PCDHGA4: variants seen among roughly 807,000 people sequenced by gnomAD.
PCDHGA4 encodes protocadherin gamma-A4.
Under a neutral mutation model 54.6 loss-of-function variants are expected in PCDHGA4, and 38 were observed. The observed-to-expected ratio is 0.70, with a 90% confidence interval of 0.54 to 0.91. PCDHGA4 has a LOEUF of 0.91. Ranked by LOEUF, PCDHGA4 falls within the 40% of genes least tolerant of loss-of-function variation. PCDHGA4 has a pLI of 0.00. For synonymous variants in PCDHGA4, 511 were observed against 512.9 expected, an observed-to-expected ratio of 1.00 and a Z score of 0.05; for missense variants, 1,298 against 1,220.9, an observed-to-expected ratio of 1.06 and a Z score of -0.94.
chr5:141,479,631 A>G (rs191955216), intron 1 of PCDHGA4: 1 of 152,282 alleles, frequency 6.6e-6, no homozygotes, highest in Non-Finnish European at 1.5e-5. Context: ...TCTCTTTAAC[A>G]ATAACAACAA....
chr5:141,394,859 C>A, intron 1 of PCDHGA4: 1 of 1,613,758 alleles, frequency 6.2e-7, no homozygotes. Context: ...AGCCTTCGGT[C>A]GACCCGAACG....
In PCDHGA4 at chr5:141,356,909, A is replaced by G. The variant is rs748015805; in HGVS notation, c.1802A>G (p.Asp601Gly). The change falls in exon 1 of 4, where the codon GAT becomes GGT. Residue 601 changes from aspartate (D) to glycine (G), a missense_variant. By Grantham distance (94) the Asp-to-Gly change is moderately conservative. Transcript: ENST00000571252. ...ATCCTGTACCCCACCTTCCCTACTG[A>G]TGGCTCCACTGGTGTGGAGCTGGCA... ...PEILYPTFPT[D>G]GSTGVELAPR... The G allele has an allele frequency of 1.4e-5, 23 of 1,613,988 alleles. No homozygotes were observed. Among genetic ancestry groups the G allele is most frequent in the Non-Finnish European group, 1.8e-5 (21 of 1,180,002 alleles).
chr5:141,387,473 G>T (rs1032850562), intron 1 of PCDHGA4, among the ~76,000 whole-genome samples: 4 of 152,190 alleles, frequency 2.6e-5, no homozygotes, highest in Non-Finnish European at 4.4e-5. Context: ...CCTCAAAGTT[G>T]GGATGAAGGC....
Position 141,489,880 on chromosome 5 carries a change from G to A in PCDHGA4, c.2515-4927G>A. On this transcript the variant is annotated intron_variant, in intron 1 of 3. Transcript: ENST00000571252. The surrounding 1 kb of genome is among the most constrained non-coding windows in gnomAD (Gnocchi z 4.5). Reference sequence around the variant, plus strand: ...GGCAAGACATCAGCTGGTGCTTACTGCTGTGGATGGGGGGACCCCAGCCCG... The same window carrying A: ...GGCAAGACATCAGCTGGTGCTTACTACTGTGGATGGGGGGACCCCAGCCCG... 2 of 1,614,230 alleles carry A rather than the reference G, an allele frequency of 1.2e-6. No individual in the cohort carries two copies. The highest frequency in any genetic ancestry group is 1.7e-6 in the Non-Finnish European group (2 of 1,180,026).
At chr5:141,484,899 T>G (rs1296997337) in intron 1 of PCDHGA4, 9 of 398,498 alleles carry the variant, frequency 2.3e-5, no homozygotes, top group Non-Finnish European at 3.1e-5. Flanking sequence ...TCCCCTCCAA[T>G]GCTGCGACGC....
chr5:141,502,246 T>A (rs1449536622), intron 2 of PCDHGA4, among the ~76,000 whole-genome samples: 1 of 152,206 alleles, frequency 6.6e-6, no homozygotes, highest in African/African-American at 2.4e-5. Flanking sequence ...TTTATCCTTT[T>A]TTTTAATCCA....
chr5:141,467,952 C>A (rs1341210155), intron 1 of PCDHGA4, among the ~76,000 whole-genome samples: 1 of 152,186 alleles, frequency 6.6e-6, no homozygotes, highest in Non-Finnish European at 1.5e-5. Flanking sequence ...AGCCACCACA[C>A]CCGGCTGCCA....
chr5:141,365,193 T>A, intron 1 of PCDHGA4: 2 of 1,613,762 alleles, frequency 1.2e-6, no homozygotes, highest in Non-Finnish European at 1.7e-6. Flanking sequence ...GAAGAAAAAA[T>A]TTCGGAGACT....
chr5:141,360,120 C>A, intron 1 of PCDHGA4: 1 of 1,578,376 alleles, frequency 6.3e-7, no homozygotes, highest in Non-Finnish European at 8.6e-7. Flanking sequence ...GGCAAAGGAG[C>A]AAAGGGAGCC....
Position 141,472,217 on chromosome 5 carries a change from C to T in PCDHGA4, c.2515-22590C>T, listed in dbSNP as rs181908144. On this transcript the variant is annotated intron_variant, in intron 1 of 3. Transcript: ENST00000571252. ...CTTTTTGACACTAAGACCTTACTCTCGATCATATAATACATTCACTTTCTA... is the reference window on the plus strand; with the variant it reads ...CTTTTTGACACTAAGACCTTACTCTTGATCATATAATACATTCACTTTCTA... Among the ~76,000 whole-genome samples the T allele has an allele frequency of 3.1e-4, 47 of 152,234 alleles. 1 individual carries two copies. The highest frequency in any genetic ancestry group is 1.1e-3 in the African/African-American group (44 of 41,538).
chr5:141,393,533 G>T (rs1475648389), intron 1 of PCDHGA4: 2 of 1,613,950 alleles, frequency 1.2e-6, no homozygotes, highest in South Asian at 1.1e-5. Flanking sequence ...ACAATGCCCC[G>T]GTTTTTCCTC....
At chr5:141,366,651 A>G (rs767855798) in intron 1 of PCDHGA4, 5 of 1,614,244 alleles carry the variant, frequency 3.1e-6, no homozygotes, top group East Asian at 2.2e-5. Flanking sequence ...CCCCAGCCCA[A>G]CTACGCAGAC....
chr5:141,473,699 C>T (rs560096812), intron 1 of PCDHGA4, among the ~76,000 whole-genome samples: 2 of 152,244 alleles, frequency 1.3e-5, no homozygotes, highest in South Asian at 2.1e-4. Flanking sequence ...TGACCACCCT[C>T]CAAGTGGTGC....
chr5:141,375,417 C>G lies in PCDHGA4; in HGVS notation c.2514+17796C>G. ...ATCATCTCTCTAAATGTGGCAGACA[C>G]CAACGACAACCCGCCCACCTTCCCC... On this transcript the variant is annotated intron_variant, in intron 1 of 3. Coordinates refer to ENST00000571252, the MANE Select transcript of PCDHGA4 (RefSeq NM_018917.4). The G allele has an allele frequency of 1.9e-6, 3 of 1,613,976 alleles. No homozygotes were observed. The South Asian group carries it at 3.3e-5, about 18-fold the overall frequency.
intron 1 of PCDHGA4, chr5:141,383,934 A>G (rs756515135): frequency 2.5e-6 from 4 of 1,613,944 alleles, no homozygotes; most frequent in Non-Finnish European, 3.4e-6. Flanking sequence ...ATAATGCTCC[A>G]GAAGTGACTA....
intron 1 of PCDHGA4, chr5:141,383,029 T>G: frequency 6.2e-7 from 1 of 1,613,808 alleles, no homozygotes; most frequent in Non-Finnish European, 8.5e-7. Flanking sequence ...CAAAGGGTCC[T>G]TTGTGGGAGA....
Position 141,491,665 on chromosome 5 carries a change from C to G in PCDHGA4, c.2515-3142C>G. The stretch of plus-strand genomic sequence containing the variant: ...TCTGGCGCTGGAGCCTGACGCCATC[C>G]GGTCCCGCTCTAATACGCTGCGGGA... On this transcript the variant is annotated intron_variant, in intron 1 of 3. Transcript: ENST00000571252. This position sits in a 1 kb window ranked among gnomAD's most constrained non-coding sequence, Gnocchi z 6.9. 1 of 1,613,764 alleles carries G rather than the reference C, an allele frequency of 6.2e-7. No homozygotes were observed. Among genetic ancestry groups the G allele is most frequent in the Non-Finnish European group, 8.5e-7 (1 of 1,180,000 alleles).
At chr5:141,408,045 A>G (rs544263424) in intron 1 of PCDHGA4, 8 of 1,236,658 alleles carry the variant, frequency 6.5e-6, no homozygotes, top group Admixed American at 3.0e-5. Flanking sequence ...CAGCTCCCAC[A>G]CAGAGCCTCC....
At chr5:141,430,910 G>T in intron 1 of PCDHGA4, 2 of 1,608,040 alleles carry the variant, frequency 1.2e-6, no homozygotes, top group Middle Eastern at 1.7e-4. Context: ...CATCTCCAGG[G>T]ACCTGGGGCT....
Sources: allele counts gnomAD v4.1 joint callset (sites outside exome capture counted in the v4.1 genomes callset), GRCh38; gene constraint gnomAD v4.1.1; non-coding constraint Gnocchi (gnomAD v3.1); transcripts MANE v1.5; gene names NCBI Gene and HGNC (gene_info 2026-07-23, HGNC 2026-07-21).